Variants in CEP70 observed in about 807,000 individuals in gnomAD.
The protein encoded by CEP70 is centrosomal protein 70.
A neutral mutation model predicts 90.9 loss-of-function variants in CEP70; 70 were observed. The ratio of observed to expected loss-of-function variants is 0.77; its 90% CI spans 0.64 to 0.94. The LOEUF is 0.94. Among genes scored for constraint, CEP70 ranks in the 40% least tolerant of loss-of-function variants. CEP70 has a pLI of 0.00. For missense variants in CEP70, 648 were observed against 669.0 expected (o/e 0.97, Z 0.35); for synonymous variants, 220 against 228.3 (o/e 0.96, Z 0.33).
intron 10 of CEP70, among the ~76,000 whole-genome samples, chr3:138,527,983 T>C (rs1246194315): frequency 6.6e-6 from 1 of 151,262 alleles, no homozygotes; most frequent in Non-Finnish European, 1.5e-5. Flanking sequence ...TGTACATCAA[T>C]TGTAACTCAA....
chr3:138,501,472 T>A (rs2034504260), intron 13 of CEP70, among the ~76,000 whole-genome samples: 1 of 152,216 alleles, frequency 6.6e-6, no homozygotes, highest in Non-Finnish European at 1.5e-5. Context: ...CTAGGGTTAA[T>A]CTCTAAACTA....
chr3:138,499,852 C>T, intron 16 of CEP70: 1 of 355,998 alleles, frequency 2.8e-6, no homozygotes, highest in Non-Finnish European at 5.3e-6. Context: ...CACACACACA[C>T]AAAAGATGCT....
intron 6 of CEP70, among the ~76,000 whole-genome samples, chr3:138,549,860 G>C (rs566924001): frequency 6.6e-6 from 1 of 152,248 alleles, no homozygotes; most frequent in Non-Finnish European, 1.5e-5. Context: ...CCACTGCTGA[G>C]AGACATGAAG....
At chr3:138,505,612 A>G in intron 12 of CEP70, 147 bp from the exon 13 acceptor site, 2 of 475,120 alleles carry the variant, frequency 4.2e-6, no homozygotes, top group African/African-American at 2.0e-5. Context: ...GAATTGGCTC[A>G]TGCAATTATG....
chr3:138,575,933 C>A (rs1482651614), intron 2 of CEP70, among the ~76,000 whole-genome samples: 1 of 152,154 alleles, frequency 6.6e-6, no homozygotes, highest in Non-Finnish European at 1.5e-5. Context: ...GCCTGCCTTA[C>A]AAGAGCTCCT....
chr3:138,506,093 C>G (rs114665760), intron 12 of CEP70, among the ~76,000 whole-genome samples: 355 of 152,250 alleles, frequency 2.3e-3, no homozygotes, highest in African/African-American at 8.1e-3. Context: ...TTTGAAGAAA[C>G]TCTTCACCCT....
intron 6 of CEP70, among the ~76,000 whole-genome samples, chr3:138,558,103 G>A (rs952545017): frequency 6.6e-6 from 1 of 152,214 alleles, no homozygotes. Flanking sequence ...AGTGGCTCAT[G>A]CCTGTAATCC....
In CEP70 at chr3:138,589,093, G is replaced by C. The variant is rs2042247801; in HGVS notation, c.-6+2761C>G. Among the ~76,000 whole-genome samples, 4 of 152,254 alleles carry C rather than the reference G, an allele frequency of 2.6e-5. No individual in the cohort carries two copies. The East Asian group carries it at 7.7e-4, about 29-fold the overall frequency. ...ACACAGAGACTACTAACGAGAACAAGGGAATTTGGGGGGATGATGGATATA... is the reference window on the plus strand; with the variant it reads ...ACACAGAGACTACTAACGAGAACAACGGAATTTGGGGGGATGATGGATATA... On this transcript the variant is annotated intron_variant, in intron 2 of 17. Coordinates refer to ENST00000264982, the MANE Select transcript of CEP70 (RefSeq NM_024491.4).
At chr3:138,564,717 T>G (rs1185712248) in intron 6 of CEP70, among the ~76,000 whole-genome samples, 1 of 152,060 alleles carries the variant, frequency 6.6e-6, no homozygotes, top group Non-Finnish European at 1.5e-5. Context: ...AAGAGCTAAT[T>G]ATGACAACCC....
chr3:138,516,578 G>A (rs1011909354), intron 11 of CEP70, among the ~76,000 whole-genome samples: 3 of 152,062 alleles, frequency 2.0e-5, no homozygotes, highest in African/African-American at 7.2e-5. Context: ...TAGAGACAAG[G>A]ACTCACTACA....
intron 12 of CEP70, among the ~76,000 whole-genome samples, chr3:138,507,294 G>T (rs1311288918): frequency 1.3e-5 from 2 of 152,236 alleles, no homozygotes; most frequent in East Asian, 1.9e-4. Context: ...TGACCCTGAT[G>T]AAAGTACATA....
intron 6 of CEP70, among the ~76,000 whole-genome samples, chr3:138,546,109 TG>T (rs1294319393): frequency 6.6e-6 from 1 of 152,136 alleles, no homozygotes; most frequent in Non-Finnish European, 1.5e-5. Context: ...CTGCTGGTTT[TG>T]CGGCTCAGGA....
intron 15 of CEP70, 75 bp downstream of exon 15, chr3:138,500,324 A>AT (rs2034376047): frequency 1.3e-6 from 2 of 1,522,110 alleles, no homozygotes; most frequent in African/African-American, 1.4e-5. Flanking sequence ...TCACTTAAAC[A>AT]TTTTTTAATC....
chr3:138,589,822 A>G (rs754382958), intron 2 of CEP70, among the ~76,000 whole-genome samples: 1 of 152,226 alleles, frequency 6.6e-6, no homozygotes, highest in Non-Finnish European at 1.5e-5. Flanking sequence ...AAGAAGTGTG[A>G]GCCAAAGACT....
At chr3:138,587,999 GT>G (rs947698070) in intron 2 of CEP70, among the ~76,000 whole-genome samples, 44 of 145,298 alleles carry the variant, frequency 3.0e-4, no homozygotes, top group East Asian at 1.2e-3. Flanking sequence ...AAAAACGATA[GT>G]TTTTTTTTTT....
In CEP70 at chr3:138,518,626, C is replaced by T. The variant is rs895772780; in HGVS notation, c.944+6864G>A. 4.7e-4 allele frequency among the ~76,000 whole-genome samples: 71 copies of T among 152,342 alleles called. 1 individual carries two copies. The highest frequency in any genetic ancestry group is 1.7e-3 in the African/African-American group (69 of 41,576). On this transcript the variant is annotated intron_variant, in intron 11 of 17. Transcript: ENST00000264982. The stretch of plus-strand genomic sequence containing the variant: ...ACAGACCTGCAGCTGAGGGTCCTGT[C>T]TGTTAGAAGGAAAACTAACAAACAG...
intron 11 of CEP70, among the ~76,000 whole-genome samples, chr3:138,510,176 TAAGATG>T (rs2035388853): frequency 6.6e-6 from 1 of 151,370 alleles, no homozygotes; most frequent in African/African-American, 2.4e-5. Context: ...CATGCTTAGT[TAAGATG>T]ACCTCAGGAT....
intron 10 of CEP70, among the ~76,000 whole-genome samples, chr3:138,527,587 G>C (rs983241461): frequency 5.9e-5 from 9 of 151,418 alleles, no homozygotes; most frequent in African/African-American, 2.2e-4. Flanking sequence ...CCAGCTACTC[G>C]GGAGGCTGAG....
intron 6 of CEP70, among the ~76,000 whole-genome samples, chr3:138,551,512 G>A (rs1209590437): frequency 1.3e-5 from 2 of 152,128 alleles, no homozygotes; most frequent in Admixed American, 6.6e-5. Flanking sequence ...TTGGGAGAAC[G>A]AGGCAGGTGG....
Sources: allele counts gnomAD v4.1 joint callset (sites outside exome capture counted in the v4.1 genomes callset), GRCh38; gene constraint gnomAD v4.1.1; transcripts MANE v1.5; gene names NCBI Gene and HGNC (gene_info 2026-07-23, HGNC 2026-07-21).